Variants in HDAC8 observed in about 807,000 individuals in gnomAD.
The protein encoded by HDAC8 is histone deacetylase-like 1.
A neutral mutation model predicts 32.2 loss-of-function variants in HDAC8; 1 was observed. That is an observed-to-expected ratio of 0.03 (90% CI 0.01 to 0.15). The LOEUF is 0.15. HDAC8 is among the 10% of genes least tolerant of loss of function. The pLI is 1.00. For missense variants in HDAC8, 117 were observed against 300.0 expected (o/e 0.39, Z 4.51); for synonymous variants, 108 against 113.9 (o/e 0.95, Z 0.33).
At chrX:72,427,605 G>T (rs781863646) in intron 9 of HDAC8, among the ~76,000 whole-genome samples, 9 of 87,504 alleles carry the variant, frequency 1.0e-4, no homozygotes, top group South Asian at 8.1e-4. Flanking sequence ...TGTGGGGTGG[G>T]GGGGGGGAGG....
chrX:72,379,490 G>GTTTTTTTT (rs1191306787), intron 9 of HDAC8, among the ~76,000 whole-genome samples: 6 of 38,880 alleles, frequency 1.5e-4, no homozygotes, highest in Admixed American at 3.9e-4. Flanking sequence ...TTTGTTTAGT[G>GTTTTTTTT]TTTTTTTTTT....
At chrX:72,444,384 A>T (rs1423135842) in intron 9 of HDAC8, among the ~76,000 whole-genome samples, 2 of 112,011 alleles carry the variant, frequency 1.8e-5, no homozygotes, top group Admixed American at 1.9e-4. Context: ...GGTTCAATAT[A>T]CATAAATCAA....
intron 9 of HDAC8, among the ~76,000 whole-genome samples, chrX:72,372,083 G>A (rs1224500211): frequency 9.0e-6 from 1 of 111,333 alleles, no homozygotes; most frequent in Non-Finnish European, 1.9e-5. Context: ...ACTCTGTGCC[G>A]TTTGTTCCCT....
chrX:72,538,189 T>C (rs782049130), intron 4 of HDAC8, among the ~76,000 whole-genome samples: 2 of 107,957 alleles, frequency 1.9e-5, no homozygotes, highest in Non-Finnish European at 3.8e-5. Context: ...GTTTTTCTTT[T>C]TTTTTTTTTT....
At chrX:72,359,557 C>T (rs2044479450) in intron 9 of HDAC8, among the ~76,000 whole-genome samples, 1 of 110,800 alleles carries the variant, frequency 9.0e-6, no homozygotes, top group Admixed American at 9.6e-5. Flanking sequence ...CACAGGAAGC[C>T]TTGATTCCCA....
chrX:72,344,262 G>A (rs1472790245), intron 10 of HDAC8, among the ~76,000 whole-genome samples: 1 of 110,971 alleles, frequency 9.0e-6, no homozygotes, highest in Non-Finnish European at 1.9e-5. Context: ...GAAAAATACA[G>A]AAACAGCATA....
rs782187029 is a variant in HDAC8, at chrX:72,386,411, G to A, written c.1006-34573C>T. Among the ~76,000 whole-genome samples, 4 of 111,207 alleles carry A rather than the reference G, an allele frequency of 3.6e-5. No homozygotes were observed. In the East Asian group the frequency reaches 1.1e-3, roughly 31 times the overall value. The stretch of plus-strand genomic sequence containing the variant: ...GGCATTGGGAGAGGAATAGGACTGG[G>A]AATGAAGGACACAGGATATTCAACT... On this transcript the variant is annotated intron_variant, in intron 9 of 10. Coordinates refer to ENST00000373573, the MANE Select transcript of HDAC8 (RefSeq NM_018486.3).
chrX:72,521,597 A>T (rs1189888851), intron 4 of HDAC8, among the ~76,000 whole-genome samples: 1 of 111,436 alleles, frequency 9.0e-6, no homozygotes, highest in Non-Finnish European at 1.9e-5. Flanking sequence ...TGATGGGGTC[A>T]TGTCACAAAC....
intron 9 of HDAC8, among the ~76,000 whole-genome samples, chrX:72,429,652 C>T (rs1555976827): frequency 1.8e-5 from 2 of 112,441 alleles, no homozygotes; most frequent in African/African-American, 6.5e-5. Flanking sequence ...CCAAATGCTA[C>T]TGGGTCCTTT....
intron 4 of HDAC8, among the ~76,000 whole-genome samples, chrX:72,536,750 C>G (rs1753890376): frequency 8.9e-6 from 1 of 111,873 alleles, no homozygotes; most frequent in Admixed American, 9.5e-5. Context: ...TGTTCCCAAC[C>G]TTTTTTGGCT....
chrX:72,357,924 AGACG>A (rs1555951317), intron 9 of HDAC8, among the ~76,000 whole-genome samples: 1 of 109,742 alleles, frequency 9.1e-6, no homozygotes, highest in Non-Finnish European at 1.9e-5. Context: ...TTTTTTTTTT[AGACG>A]GAGTCTCGCT....
intron 4 of HDAC8, among the ~76,000 whole-genome samples, chrX:72,504,206 AG>A (rs1313077077): frequency 1.8e-5 from 2 of 112,064 alleles, no homozygotes; most frequent in Non-Finnish European, 3.8e-5. Context: ...ATTATTTTAA[AG>A]TGTACAATTT....
At chrX:72,443,452 A>C (rs1162919977) in intron 9 of HDAC8, among the ~76,000 whole-genome samples, 1 of 111,221 alleles carries the variant, frequency 9.0e-6, no homozygotes, top group African/African-American at 3.3e-5. Flanking sequence ...ACATAACGAA[A>C]TGAAGGCAGA....
At chrX:72,459,757 T>C in intron 9 of HDAC8, among the ~76,000 whole-genome samples, 1 of 111,311 alleles carries the variant, frequency 9.0e-6, no homozygotes, top group Non-Finnish European at 1.9e-5. Context: ...TCTCTTTGCA[T>C]CTCCTAAGAC....
intron 7 of HDAC8, among the ~76,000 whole-genome samples, chrX:72,470,978 A>G (rs1308319105): frequency 2.7e-5 from 3 of 111,888 alleles, no homozygotes; most frequent in Non-Finnish European, 5.6e-5. Context: ...TGTCCTCAAA[A>G]GAAACCCTGA....
intron 4 of HDAC8, among the ~76,000 whole-genome samples, chrX:72,559,562 C>G (rs1270807967): frequency 9.4e-6 from 1 of 106,000 alleles, no homozygotes; most frequent in Non-Finnish European, 2.0e-5. Flanking sequence ...CCCTCTGCCC[C>G]GCCGCCCAGT....
intron 9 of HDAC8, among the ~76,000 whole-genome samples, chrX:72,362,878 A>G (rs73498319): frequency 0.092 from 10,298 of 111,736 alleles, 573 homozygotes; most frequent in African/African-American, 0.2. Context: ...GAAGGATTCC[A>G]AGTGAAAATG....
chrX:72,389,440 A>G (rs781925479), intron 9 of HDAC8, among the ~76,000 whole-genome samples: 1 of 112,146 alleles, frequency 8.9e-6, no homozygotes, highest in Non-Finnish European at 1.9e-5. Context: ...AGTCAGCAAG[A>G]TCTGGGTTCA....
intron 7 of HDAC8, among the ~76,000 whole-genome samples, chrX:72,482,254 A>G (rs782355249): frequency 2.7e-5 from 3 of 111,828 alleles, no homozygotes; most frequent in Non-Finnish European, 5.6e-5. Context: ...ACTCATCTAA[A>G]ACAACCACAT....
Sources: gnomAD v4.1 joint callset for allele counts (sites outside exome capture counted in the v4.1 genomes callset) on GRCh38, gnomAD v4.1.1 for gene constraint, MANE v1.5 for transcripts, NCBI Gene and HGNC (gene_info 2026-07-23, HGNC 2026-07-21) for gene names.